RBM6: variants seen among roughly 807,000 people sequenced by gnomAD.
RBM6 encodes the protein RNA binding motif protein 6, also known as RNA-binding protein 6.
RBM6 carries 23 observed loss-of-function variants against 140.4 expected under a neutral mutation model. The ratio of observed to expected loss-of-function variants is 0.16; its 90% CI spans 0.12 to 0.23. The LOEUF is 0.23. RBM6 is among the 10% of genes least tolerant of loss of function. The probability of loss-of-function intolerance (pLI) is 1.00; values close to 1 mark genes in which losing one functional copy is unlikely to be tolerated. For synonymous variants in RBM6, 439 were observed against 475.6 expected, an observed-to-expected ratio of 0.92 and a Z score of 1.00; for missense variants, 1,139 against 1,386.7, an observed-to-expected ratio of 0.82 and a Z score of 2.84.
chr3:50,017,220 T>G (rs777183840), intron 6 of RBM6, among the ~76,000 whole-genome samples: 3 of 152,198 alleles, frequency 2.0e-5, no homozygotes, highest in Non-Finnish European at 4.4e-5. Context: ...TTTAAAAATT[T>G]TGTTTTTAGC....
At chr3:50,008,358 A>G (rs1475949803) in intron 6 of RBM6, among the ~76,000 whole-genome samples, 1 of 152,072 alleles carries the variant, frequency 6.6e-6, no homozygotes, top group Non-Finnish European at 1.5e-5. Context: ...AAATATACCT[A>G]TATGTTTTAA....
chr3:49,968,022 T>C lies in RBM6; in HGVS notation c.597T>C (p.Asp199=). 6.2e-7 allele frequency: 1 copy of C among 1,614,178 alleles called. No homozygotes were observed. The highest frequency in any genetic ancestry group is 1.6e-4 in the Middle Eastern group (1 of 6,062). The part of the protein sequence containing the change: ...DGSHADFRGR[D]LSDLDFRARE... ...CCCATGCAGATTTTAGGGGAAGGGA[T>C]TTATCAGATTTGGATTTTAGGGCCA... Residue 199 remains aspartate (D), a synonymous_variant, in exon 3 of 21, where the codon GAT becomes GAC. Coordinates refer to ENST00000266022, the MANE Select transcript of RBM6 (RefSeq NM_005777.3).
intron 1 of RBM6, among the ~76,000 whole-genome samples, chr3:49,949,614 T>C (rs2083645974): frequency 6.6e-6 from 1 of 152,016 alleles, no homozygotes. Flanking sequence ...CTTATGACTT[T>C]GTGATCTGAC....
In RBM6 at chr3:49,975,404, G is replaced by A; in HGVS notation, c.1483+12G>A. On this transcript the variant is annotated intron_variant, in intron 5 of 20. Transcript: ENST00000266022. ...GGAGTATAACACAGGTGAGTTTCTT[G>A]ACTTGCATATGGCCTTGGGTTAGGA... 1 of 1,601,138 alleles carries A rather than the reference G, an allele frequency of 6.2e-7. No homozygotes were observed. Among genetic ancestry groups the A allele is most frequent in the Non-Finnish European group, 8.6e-7 (1 of 1,168,242 alleles).
intron 6 of RBM6, among the ~76,000 whole-genome samples, chr3:50,020,243 A>G (rs568865210): frequency 6.6e-6 from 1 of 151,934 alleles, no homozygotes. Flanking sequence ...GTTATTAGTA[A>G]TTTGTATCTT....
At chr3:49,964,735 A>G (rs901524198) in intron 2 of RBM6, among the ~76,000 whole-genome samples, 1 of 152,202 alleles carries the variant, frequency 6.6e-6, no homozygotes, top group African/African-American at 2.4e-5. Context: ...ATGGGTAACT[A>G]TTTTGTAAGT....
intron 4 of RBM6, among the ~76,000 whole-genome samples, chr3:49,973,384 T>G (rs936628276): frequency 6.6e-6 from 1 of 151,896 alleles, no homozygotes; most frequent in African/African-American, 2.4e-5. Flanking sequence ...TATATGAATA[T>G]GGGGAAATGA....
chr3:50,026,335 G>C (rs1274207826), intron 6 of RBM6, among the ~76,000 whole-genome samples: 1 of 150,492 alleles, frequency 6.6e-6, no homozygotes, highest in African/African-American at 2.4e-5. Context: ...AACCTGCTTT[G>C]GTCTCCCAAA....
At chr3:50,011,444 C>A (rs1210018513) in intron 6 of RBM6, among the ~76,000 whole-genome samples, 1 of 152,146 alleles carries the variant, frequency 6.6e-6, no homozygotes, top group Non-Finnish European at 1.5e-5. Flanking sequence ...ATGAAAATAA[C>A]ATTAAGAAAT....
At chr3:50,055,083 A>G (rs1559637248) in intron 8 of RBM6, among the ~76,000 whole-genome samples, 1 of 152,080 alleles carries the variant, frequency 6.6e-6, no homozygotes, top group Non-Finnish European at 1.5e-5. Flanking sequence ...CAGCCTCCCA[A>G]AGTGCTGCGA....
At chr3:49,998,577 G>C (rs765525480) in intron 5 of RBM6, among the ~76,000 whole-genome samples, 20 of 152,124 alleles carry the variant, frequency 1.3e-4, no homozygotes, top group Non-Finnish European at 2.4e-4. Context: ...TAAATCCCAG[G>C]ACTTCCCAGT....
At position 49,973,614 on chromosome 3, in the gene RBM6, C is replaced by T. The variant is rs552078536; in HGVS notation, c.1413+1466C>T. Among the ~76,000 whole-genome samples the T allele has an allele frequency of 5.0e-3, 686 of 138,460 alleles. 2 individuals are homozygous for T. Among genetic ancestry groups the T allele is most frequent in the Non-Finnish European group, 7.5e-3 (494 of 65,478 alleles). 90.8% of individuals were successfully genotyped at this position (138,460 alleles called of 152,430 possible). ...TTTTTTTTTTTTTTTGAGACAGAGT[C>T]TCACTCTGTCACCCAGGCTGGAGTG... On this transcript the variant is annotated intron_variant, in intron 4 of 20. Transcript: ENST00000266022.
chr3:49,994,973 G>A (rs1000306841), intron 5 of RBM6, among the ~76,000 whole-genome samples: 1 of 151,828 alleles, frequency 6.6e-6, no homozygotes, highest in Non-Finnish European at 1.5e-5. Flanking sequence ...ATGAAAATTG[G>A]GCCTGTTATA....
chr3:49,960,872 T>G (rs1271674046), intron 1 of RBM6, among the ~76,000 whole-genome samples: 1 of 151,918 alleles, frequency 6.6e-6, no homozygotes, highest in Admixed American at 6.6e-5. Context: ...ATGTGAAGCA[T>G]TCATAGCACA....
At chr3:49,982,262 CTTTT>C (rs751604271) in intron 5 of RBM6, among the ~76,000 whole-genome samples, 5 of 68,390 alleles carry the variant, frequency 7.3e-5, no homozygotes, top group East Asian at 4.4e-4. Flanking sequence ...CTTTTCTTTT[CTTTT>C]TTTTTTTTTT....
At chr3:50,030,891 A>G (rs932078451) in intron 6 of RBM6, among the ~76,000 whole-genome samples, 1 of 151,702 alleles carries the variant, frequency 6.6e-6, no homozygotes, top group Non-Finnish European at 1.5e-5. Context: ...GAGTAGAAGG[A>G]TGGTTACCAG....
At chr3:50,042,678 G>T (rs1363352538) in intron 6 of RBM6, among the ~76,000 whole-genome samples, 1 of 152,104 alleles carries the variant, frequency 6.6e-6, no homozygotes, top group East Asian at 1.9e-4. Context: ...CAAGGCTGCA[G>T]TCAGTCATGA....
chr3:50,037,298 A>G (rs1444526240), intron 6 of RBM6, among the ~76,000 whole-genome samples: 1 of 152,082 alleles, frequency 6.6e-6, no homozygotes, highest in African/African-American at 2.4e-5. Flanking sequence ...CTTGTCAGGA[A>G]GCTGAGGTGG....
At chr3:50,005,291 G>A (rs1217758119) in intron 6 of RBM6, among the ~76,000 whole-genome samples, 1 of 152,056 alleles carries the variant, frequency 6.6e-6, no homozygotes, top group Non-Finnish European at 1.5e-5. Flanking sequence ...GAGCCCAGGA[G>A]TTGAGTCCAG....
Sources: gnomAD v4.1 joint callset for allele counts (sites outside exome capture counted in the v4.1 genomes callset) on GRCh38, gnomAD v4.1.1 for gene constraint, MANE v1.5 for transcripts, NCBI Gene and HGNC (gene_info 2026-07-23, HGNC 2026-07-21) for gene names.